TAFA2: variants seen among roughly 807,000 people sequenced by gnomAD.
The protein encoded by TAFA2 is chemokine-like protein TAFA-2.
A neutral mutation model predicts 18.8 loss-of-function variants in TAFA2; 7 were observed. The observed-to-expected ratio is 0.37, with a 90% confidence interval of 0.21 to 0.70. The LOEUF (loss-of-function observed/expected upper bound fraction) is 0.70. Among genes scored for constraint, TAFA2 ranks in the 30% least tolerant of loss-of-function variants. The probability of loss-of-function intolerance (pLI) is 0.53; values close to 1 mark genes in which losing one functional copy is unlikely to be tolerated. For missense variants in TAFA2, 122 were observed against 158.1 expected (o/e 0.77, Z 1.23); for synonymous variants, 60 against 54.2 (o/e 1.11, Z -0.47).
At chr12:61,726,157 C>A (rs1418899452) in intron 4 of TAFA2, among the ~76,000 whole-genome samples, 1 of 150,518 alleles carries the variant, frequency 6.6e-6, no homozygotes, top group African/African-American at 2.4e-5. Context: ...TGATATATAC[C>A]CATTGAATGT....
chr12:62,080,704 G>T (rs539244066), intron 1 of TAFA2, among the ~76,000 whole-genome samples: 1 of 152,118 alleles, frequency 6.6e-6, no homozygotes, highest in East Asian at 1.9e-4. Context: ...AACAATGATT[G>T]CCACTTTGTA....
chr12:62,046,049 T>A (rs1432957085), intron 1 of TAFA2, among the ~76,000 whole-genome samples: 3 of 152,020 alleles, frequency 2.0e-5, no homozygotes, highest in Non-Finnish European at 4.4e-5. Context: ...GCTAGAGAAA[T>A]AAGAGGCCCC....
intron 1 of TAFA2, among the ~76,000 whole-genome samples, chr12:62,122,453 T>A (rs1040037898): frequency 4.6e-5 from 7 of 152,180 alleles, no homozygotes; most frequent in African/African-American, 1.7e-4. Flanking sequence ...ACACTCAGGC[T>A]CTAGGTGCTC....
chr12:61,944,196 G>C (rs1878164503), intron 1 of TAFA2, among the ~76,000 whole-genome samples: 1 of 147,034 alleles, frequency 6.8e-6, no homozygotes, highest in Non-Finnish European at 1.5e-5. Flanking sequence ...ACCTGCTCCT[G>C]AATGACTACT....
chr12:62,193,461 C>T (rs1309111323), upstream of TAFA2, among the ~76,000 whole-genome samples: 1 of 152,192 alleles, frequency 6.6e-6, no homozygotes, highest in Non-Finnish European at 1.5e-5. Context: ...TTAGGTATCA[C>T]AAGCTCTCTT....
chr12:61,738,290 A>ACACACAC, intron 4 of TAFA2, among the ~76,000 whole-genome samples: 1 of 124,622 alleles, frequency 8.0e-6, no homozygotes, highest in East Asian at 2.4e-4. Context: ...TGAAAATGAA[A>ACACACAC]ACACACACAC....
chr12:61,879,443 G>T (rs7308172), intron 1 of TAFA2: 2 of 687,520 alleles, frequency 2.9e-6, no homozygotes, highest in South Asian at 3.0e-5. Context: ...TCCCGAGTGG[G>T]CAGCAGCAGC....
intron 4 of TAFA2, among the ~76,000 whole-genome samples, chr12:61,727,734 T>C (rs1870238470): frequency 6.6e-6 from 1 of 151,984 alleles, no homozygotes; most frequent in Non-Finnish European, 1.5e-5. Flanking sequence ...ATCTTTGTTA[T>C]TTCTTTTCTT....
At chr12:61,963,118 T>A (rs1019354542) in intron 1 of TAFA2, among the ~76,000 whole-genome samples, 22 of 152,030 alleles carry the variant, frequency 1.4e-4, no homozygotes, top group African/African-American at 5.1e-4. Context: ...CTTTATCCAG[T>A]CTATCATTGA....
intron 1 of TAFA2, among the ~76,000 whole-genome samples, chr12:62,165,431 T>C (rs1174092330): frequency 6.6e-6 from 1 of 152,078 alleles, no homozygotes; most frequent in Admixed American, 6.6e-5. Flanking sequence ...AATCTCTGTA[T>C]GAAGATAACC....
At chr12:61,961,889 CA>C (rs1565697462) in intron 1 of TAFA2, among the ~76,000 whole-genome samples, 1 of 151,964 alleles carries the variant, frequency 6.6e-6, no homozygotes, top group African/African-American at 2.4e-5. Flanking sequence ...TTAAAATAGG[CA>C]GATCTAATAC....
At chr12:61,927,560 C>A (rs1177761469) in intron 1 of TAFA2, among the ~76,000 whole-genome samples, 1 of 152,132 alleles carries the variant, frequency 6.6e-6, no homozygotes, top group Admixed American at 6.5e-5. Context: ...TAGGAAGAAT[C>A]AATATCTTGA....
At chr12:61,849,537 A>G (rs1172907187) in intron 2 of TAFA2, among the ~76,000 whole-genome samples, 2 of 152,196 alleles carry the variant, frequency 1.3e-5, no homozygotes, top group African/African-American at 2.4e-5. Flanking sequence ...CACTAAGTAC[A>G]TAACTTTCTA....
At chr12:61,811,452 C>T (rs1871865513) in intron 2 of TAFA2, among the ~76,000 whole-genome samples, 1 of 151,236 alleles carries the variant, frequency 6.6e-6, no homozygotes, top group Non-Finnish European at 1.5e-5. Context: ...GTTCACGGTT[C>T]ATTAAATTAG....
intron 2 of TAFA2, among the ~76,000 whole-genome samples, chr12:61,829,600 G>T (rs1048183995): frequency 2.0e-5 from 3 of 151,314 alleles, no homozygotes; most frequent in Non-Finnish European, 4.4e-5. Context: ...CAGCCAAAAA[G>T]TTAAATATAT....
At chr12:62,094,204 T>C (rs537862261) in intron 1 of TAFA2, among the ~76,000 whole-genome samples, 49 of 152,190 alleles carry the variant, frequency 3.2e-4, no homozygotes, top group Non-Finnish European at 5.9e-4. Context: ...AGCTTTTTAT[T>C]AAGAAATAAT....
chr12:61,799,030 T>C (rs1003937020), intron 2 of TAFA2, among the ~76,000 whole-genome samples: 1 of 152,212 alleles, frequency 6.6e-6, no homozygotes, highest in Non-Finnish European at 1.5e-5. Flanking sequence ...CATTAGAAAA[T>C]ATAGCTTCCT....
intron 2 of TAFA2, among the ~76,000 whole-genome samples, chr12:61,834,873 A>T (rs1872855812): frequency 1.3e-5 from 2 of 151,992 alleles, no homozygotes; most frequent in Admixed American, 6.6e-5. Context: ...AAGCCACACC[A>T]ATTATTCTTT....
intron 2 of TAFA2, among the ~76,000 whole-genome samples, chr12:61,861,005 C>T (rs1874102835): frequency 6.6e-6 from 1 of 152,186 alleles, no homozygotes; most frequent in Non-Finnish European, 1.5e-5. Flanking sequence ...GGCTGGAGTG[C>T]AGTGGTACAA....
Sources: allele counts gnomAD v4.1 joint callset (sites outside exome capture counted in the v4.1 genomes callset), GRCh38; gene constraint gnomAD v4.1.1; transcripts MANE v1.5; gene names NCBI Gene and HGNC (gene_info 2026-07-23, HGNC 2026-07-21).